VEPH1: variants seen among roughly 807,000 people sequenced by gnomAD.
VEPH1 encodes the protein ventricular zone expressed PH domain containing 1, also known as ventricular zone-expressed PH domain-containing protein homolog 1.
Under a neutral mutation model 85.2 loss-of-function variants are expected in VEPH1, and 80 were observed. That is an observed-to-expected ratio of 0.94 (90% CI 0.78 to 1.13). The LOEUF (loss-of-function observed/expected upper bound fraction) is 1.13, where lower values mean the gene tolerates loss of function less well. Among genes scored for constraint, VEPH1 ranks in the 50% most tolerant of loss-of-function variants. The pLI, the probability that VEPH1 is intolerant of heterozygous loss-of-function variation, is 0.00. For synonymous variants in VEPH1, 297 were observed against 348.0 expected (o/e 0.85, Z 1.63); for missense variants, 955 against 980.5 (o/e 0.97, Z 0.35).
intron 12 of VEPH1, among the ~76,000 whole-genome samples, chr3:157,284,193 C>A (rs1365194881): frequency 2.0e-5 from 3 of 152,134 alleles, no homozygotes; most frequent in African/African-American, 7.2e-5. Flanking sequence ...TTTGACATTG[C>A]CATTTAAAAA....
chr3:157,286,426 G>A, intron 12 of VEPH1, 131 bp downstream of exon 12: 1 of 760,380 alleles, frequency 1.3e-6, no homozygotes, highest in Non-Finnish European at 2.3e-6. Flanking sequence ...CACAAAGCAG[G>A]GACATGACTC....
intron 4 of VEPH1, among the ~76,000 whole-genome samples, chr3:157,434,550 T>G (rs1218639553): frequency 2.6e-5 from 4 of 152,192 alleles, no homozygotes; most frequent in Non-Finnish European, 5.9e-5. Flanking sequence ...TGGCTTCAAG[T>G]GATCCTCCTA....
At chr3:157,437,426 G>A in intron 4 of VEPH1, 1 of 1,490,512 alleles carries the variant, frequency 6.7e-7, no homozygotes, top group Non-Finnish European at 9.1e-7. Context: ...GCTGCAACTT[G>A]GCACCACCGA....
intron 12 of VEPH1, among the ~76,000 whole-genome samples, chr3:157,274,140 TC>T (rs1318306526): frequency 1.3e-5 from 2 of 152,052 alleles, no homozygotes; most frequent in Non-Finnish European, 2.9e-5. Context: ...AAGCCATACA[TC>T]CCCGTGAGGA....
chr3:157,426,360 G>C (rs7626884), intron 5 of VEPH1, among the ~76,000 whole-genome samples: 101,204 of 152,006 alleles, frequency 0.67, 34,047 homozygotes, highest in East Asian at 0.8. Context: ...AGCATAGTGC[G>C]AAGAGAGCCC....
In VEPH1 at chr3:157,381,187, G is replaced by C; in HGVS notation, c.1096C>G (p.Gln366Glu). Residue 366 changes from glutamine to glutamate, a missense_variant, in exon 7 of 14, where the codon CAA becomes GAA. Physicochemically the swap from Gln to Glu is conservative, Grantham distance 29 (BLOSUM62 2). Coordinates refer to ENST00000362010, the MANE Select transcript of VEPH1 (RefSeq NM_001167912.2). ...CTTCCAGCCTTGGTATTTTCCAGTT[G>C]TCGGGTAAGGAGTTTAGCAATGGCG... is the stretch of plus-strand genomic sequence containing the variant. ...FTAIAKLLTRQLENTKAGSGR... is the reference protein window; with the variant it reads ...FTAIAKLLTRELENTKAGSGR... 1 of 1,613,896 alleles carries C rather than the reference G, an allele frequency of 6.2e-7. No individual in the cohort carries two copies. Among genetic ancestry groups the C allele is most frequent in the Non-Finnish European group, 8.5e-7 (1 of 1,179,996 alleles).
At chr3:157,272,420 TTTC>T (rs1290721375) in intron 12 of VEPH1, among the ~76,000 whole-genome samples, 2 of 148,078 alleles carry the variant, frequency 1.4e-5, no homozygotes, top group Non-Finnish European at 3.0e-5. Context: ...TCTTTCTTTC[TTTC>T]TTTCTTTCTT....
intron 7 of VEPH1, among the ~76,000 whole-genome samples, chr3:157,367,648 T>G (rs561759989): frequency 2.4e-4 from 36 of 152,194 alleles, no homozygotes; most frequent in Non-Finnish European, 3.4e-4. Context: ...GTATTAGATA[T>G]TGAGCATTAT....
intron 9 of VEPH1, among the ~76,000 whole-genome samples, chr3:157,359,582 T>A (rs1447351586): frequency 6.6e-6 from 1 of 152,202 alleles, no homozygotes; most frequent in Non-Finnish European, 1.5e-5. Flanking sequence ...TTCTTACTGA[T>A]CTATTTATAC....
intron 2 of VEPH1, among the ~76,000 whole-genome samples, chr3:157,485,152 A>G (rs1376829107): frequency 6.6e-6 from 1 of 152,194 alleles, no homozygotes; most frequent in Non-Finnish European, 1.5e-5. Context: ...GCTATTCTGC[A>G]TGCCTTTCTG....
intron 1 of VEPH1, among the ~76,000 whole-genome samples, 153 bp downstream of exon 1, chr3:157,503,124 A>T (rs1740244176): frequency 6.6e-6 from 1 of 152,142 alleles, no homozygotes; most frequent in Non-Finnish European, 1.5e-5. Flanking sequence ...ACAGCTCCCA[A>T]ATGTGCTTTA....
intron 6 of VEPH1, among the ~76,000 whole-genome samples, chr3:157,399,656 A>C (rs1730668561): frequency 1.3e-5 from 2 of 152,192 alleles, no homozygotes. Context: ...TATGCCACGC[A>C]GACAAGAAAA....
At chr3:157,439,852 T>G (rs1733983827) in intron 4 of VEPH1, among the ~76,000 whole-genome samples, 1 of 152,112 alleles carries the variant, frequency 6.6e-6, no homozygotes, top group Non-Finnish European at 1.5e-5. Context: ...CCGGGTTCAC[T>G]CCATTCTCCT....
chr3:157,316,915 A>T, intron 10 of VEPH1, 147 bp downstream of exon 10: 2 of 726,926 alleles, frequency 2.8e-6, no homozygotes, highest in Non-Finnish European at 3.9e-6. Context: ...AAATATAAAA[A>T]ACCGAGGTTA....
intron 6 of VEPH1, chr3:157,409,728 C>T (rs1202032529): frequency 2.0e-6 from 2 of 985,284 alleles, no homozygotes; most frequent in South Asian, 4.7e-5. Flanking sequence ...CCTGTCATTT[C>T]CCAGTAGCCA....
intron 4 of VEPH1, among the ~76,000 whole-genome samples, chr3:157,441,273 T>G (rs900325183): frequency 1.3e-5 from 2 of 152,244 alleles, no homozygotes; most frequent in African/African-American, 2.4e-5. Flanking sequence ...TTATCAGCTA[T>G]GTAAACATAG....
chr3:157,474,821 TAA>T (rs376861612), intron 2 of VEPH1, among the ~76,000 whole-genome samples: 1 of 146,990 alleles, frequency 6.8e-6, no homozygotes. Flanking sequence ...GGCATGGTGT[TAA>T]AAAAAAAAAG....
chr3:157,480,726 C>G (rs1737962431), intron 2 of VEPH1, among the ~76,000 whole-genome samples: 1 of 152,068 alleles, frequency 6.6e-6, no homozygotes, highest in South Asian at 2.1e-4. Flanking sequence ...GATTCCATGT[C>G]TTTGCTATTG....
At chr3:157,396,203 T>G (rs1730364082) in intron 6 of VEPH1, among the ~76,000 whole-genome samples, 1 of 152,208 alleles carries the variant, frequency 6.6e-6, no homozygotes. Flanking sequence ...TCTGTTCCTG[T>G]TTTAGTTTGC....
Sources: gnomAD v4.1 joint callset for allele counts (sites outside exome capture counted in the v4.1 genomes callset) on GRCh38, gnomAD v4.1.1 for gene constraint, MANE v1.5 for transcripts, NCBI Gene and HGNC (gene_info 2026-07-23, HGNC 2026-07-21) for gene names.